The following RBM34 variants were observed in gnomAD, a reference collection of about 807,000 sequenced individuals.
RBM34 encodes the protein RNA binding motif protein 34.
Under a neutral mutation model 44.6 loss-of-function variants are expected in RBM34, and 39 were observed. The observed-to-expected ratio is 0.87, with a 90% CI of 0.68 to 1.14. The LOEUF is 1.14. Ranked by LOEUF, RBM34 falls within the 50% of genes most tolerant of loss-of-function variation. The pLI, the probability that RBM34 is intolerant of heterozygous loss-of-function variation, is 0.00. For synonymous variants in RBM34, 194 were observed against 184.0 expected (o/e 1.05, Z -0.44); for missense variants, 572 against 517.9 (o/e 1.10, Z -1.01).
chr1:235,153,664 G>T (rs1314756379), intron 4 of RBM34, among the ~76,000 whole-genome samples: 2 of 152,164 alleles, frequency 1.3e-5, no homozygotes, highest in African/African-American at 2.4e-5. Context: ...GACCTCAGGG[G>T]ATCCGCCCGC....
intron 2 of RBM34, 81 bp from the exon 3 acceptor site, chr1:235,160,728 T>C: frequency 6.5e-7 from 1 of 1,536,882 alleles, no homozygotes; most frequent in Middle Eastern, 1.7e-4. Context: ...TCTTTCTAAA[T>C]GAGAATCTCT....
chr1:235,159,327 G>A (rs1294649545), intron 3 of RBM34, among the ~76,000 whole-genome samples: 3 of 151,944 alleles, frequency 2.0e-5, no homozygotes, highest in Admixed American at 6.6e-5. Context: ...GGAGGCAAGT[G>A]GATCATGAGG....
intron 7 of RBM34, 31 bp downstream of exon 7, chr1:235,138,060 T>G: frequency 1.3e-6 from 2 of 1,575,418 alleles, no homozygotes; most frequent in Non-Finnish European, 1.7e-6. Context: ...ATAGGACAAT[T>G]ATTCTGTTCA....
chr1:235,155,639 G>C (rs1310451741), intron 3 of RBM34, among the ~76,000 whole-genome samples: 2 of 150,202 alleles, frequency 1.3e-5, no homozygotes, highest in Admixed American at 1.3e-4. Flanking sequence ...CAAGTAGCTG[G>C]GATTACAGGT....
intron 3 of RBM34, among the ~76,000 whole-genome samples, chr1:235,158,241 C>A (rs1662534933): frequency 6.6e-6 from 1 of 151,664 alleles, no homozygotes; most frequent in African/African-American, 2.4e-5. Flanking sequence ...ATGGTGAAAC[C>A]CCATCTCTAC....
chr1:235,152,412 T>A (rs1662205585), intron 5 of RBM34: 1 of 960,124 alleles, frequency 1.0e-6, no homozygotes, highest in Non-Finnish European at 1.3e-6. Flanking sequence ...TAATCAGTAT[T>A]AACTTTTCAG....
Position 235,148,454 on chromosome 1 carries a change from A to G in RBM34, c.658-7T>C. On this transcript the variant is annotated splice_region_variant and splice_polypyrimidine_tract_variant and intron_variant, in intron 5 of 10. Transcript: ENST00000408888. ...GCGTTCCCTCTGCTGGAATCTTTCAAGAGAAAAAAAAAAGTATTAAAGACA... is the reference window on the plus strand; with the variant it reads ...GCGTTCCCTCTGCTGGAATCTTTCAGGAGAAAAAAAAAAGTATTAAAGACA... 2 of 1,582,500 alleles carry G rather than the reference A, an allele frequency of 1.3e-6. No homozygotes were observed. Among genetic ancestry groups the G allele is most frequent in the South Asian group, 2.4e-5 (2 of 84,942 alleles).
intron 4 of RBM34, 65 bp from the exon 5 acceptor site, chr1:235,152,830 G>C: frequency 7.4e-7 from 1 of 1,347,898 alleles, no homozygotes; most frequent in Non-Finnish European, 1.0e-6. Flanking sequence ...GCTACAAAAA[G>C]GAATTAAGAA....
chr1:235,155,184 C>T (rs1572166882), intron 3 of RBM34, 72 bp from the exon 4 acceptor site: 2 of 1,143,248 alleles, frequency 1.7e-6, no homozygotes, highest in Non-Finnish European at 2.5e-6. Flanking sequence ...CAAAGCACAG[C>T]CCTACCCTCC....
At chr1:235,143,582 GA>G (rs1050609051) in intron 6 of RBM34, among the ~76,000 whole-genome samples, 2 of 152,094 alleles carry the variant, frequency 1.3e-5, no homozygotes, top group Admixed American at 1.3e-4. Context: ...CTAAAAGTAT[GA>G]AAAAATTAGC....
At chr1:235,138,376 A>G (rs1252193773) in intron 6 of RBM34, among the ~76,000 whole-genome samples, 3 of 152,234 alleles carry the variant, frequency 2.0e-5, no homozygotes, top group Admixed American at 2.0e-4. Flanking sequence ...ATTAGTGGAG[A>G]CACAACCCAT....
chr1:235,135,483 C>T, intron 10 of RBM34, among the ~76,000 whole-genome samples, 169 bp downstream of exon 10: 1 of 152,146 alleles, frequency 6.6e-6, no homozygotes, highest in East Asian at 1.9e-4. Flanking sequence ...CCCGTCTCGG[C>T]CTCCCAAAGT....
At chr1:235,155,842 T>TATATATATAC (rs1553275337) in intron 3 of RBM34, among the ~76,000 whole-genome samples, 6 of 26,312 alleles carry the variant, frequency 2.3e-4, no homozygotes, top group African/African-American at 7.2e-4. Flanking sequence ...TATATATATA[T>TATATATATAC]ATATATATAT....
At chr1:235,152,047 A>T (rs994260253) in intron 5 of RBM34, among the ~76,000 whole-genome samples, 8 of 151,554 alleles carry the variant, frequency 5.3e-5, no homozygotes, top group Non-Finnish European at 1.2e-4. Flanking sequence ...AAAAAAAAAT[A>T]GAATAAACAT....
At chr1:235,140,223 G>A (rs780178140) in intron 6 of RBM34, among the ~76,000 whole-genome samples, 8 of 152,246 alleles carry the variant, frequency 5.3e-5, no homozygotes, top group Non-Finnish European at 1.0e-4. Context: ...TGCGCTGTGG[G>A]AGCCCGTTTC....
intron 3 of RBM34, 125 bp downstream of exon 3, chr1:235,160,386 A>T: frequency 7.8e-7 from 1 of 1,275,468 alleles, no homozygotes; most frequent in Non-Finnish European, 1.1e-6. Context: ...TATGTACTGG[A>T]TTTTCCATAA....
intron 4 of RBM34, among the ~76,000 whole-genome samples, chr1:235,154,622 T>A (rs1160843656): frequency 1.3e-5 from 2 of 152,076 alleles, no homozygotes; most frequent in Non-Finnish European, 2.9e-5. Flanking sequence ...TCTAGTGGCA[T>A]ATAACAGGAG....
intron 5 of RBM34, 131 bp from the exon 6 acceptor site, chr1:235,148,578 C>A: frequency 1.7e-6 from 1 of 601,736 alleles, no homozygotes; most frequent in Non-Finnish European, 2.5e-6. Context: ...ATAAACAAAT[C>A]AGAAACAACT....
Position 235,136,088 on chromosome 1 carries a change from C to T in RBM34, c.850-15G>A. The T allele has an allele frequency of 6.3e-7, 1 of 1,592,970 alleles. No homozygotes were observed. The highest frequency in any genetic ancestry group is 8.6e-7 in the Non-Finnish European group (1 of 1,164,482). On this transcript the variant is annotated splice_polypyrimidine_tract_variant and intron_variant, in intron 8 of 10. Transcript: ENST00000408888. Reference sequence around the variant, plus strand: ...CTCTTGTCTCTCTGAAACAAAAAGACAGTTAATAAAAATCACTCACTAGAC... The same window carrying T: ...CTCTTGTCTCTCTGAAACAAAAAGATAGTTAATAAAAATCACTCACTAGAC...
Sources: gnomAD v4.1 joint callset for allele counts (sites outside exome capture counted in the v4.1 genomes callset) on GRCh38, gnomAD v4.1.1 for gene constraint, MANE v1.5 for transcripts, NCBI Gene and HGNC (gene_info 2026-07-23, HGNC 2026-07-21) for gene names.